The following INPP1 variants were observed in gnomAD, a reference collection of about 807,000 sequenced individuals.
INPP1 encodes inositol polyphosphate 1-phosphatase.
Under a neutral mutation model 23.0 loss-of-function variants are expected in INPP1, and 18 were observed. The observed-to-expected ratio is 0.78, with a 90% CI of 0.54 to 1.16. INPP1 has a LOEUF of 1.16. INPP1 is among the 50% of genes most tolerant of loss of function. The pLI is 0.00. For missense variants in INPP1, 448 were observed against 482.1 expected (o/e 0.93, Z 0.66); for synonymous variants, 164 against 176.3 (o/e 0.93, Z 0.55).
chr2:190,364,278 G>A (rs1180372681), intron 4 of INPP1, among the ~76,000 whole-genome samples: 4 of 152,086 alleles, frequency 2.6e-5, no homozygotes, highest in Non-Finnish European at 4.4e-5. Context: ...GGTGGCTCAC[G>A]CCTGTAATCC....
intron 2 of INPP1, among the ~76,000 whole-genome samples, chr2:190,353,854 G>A (rs1201401005): frequency 1.3e-5 from 2 of 152,162 alleles, no homozygotes; most frequent in Non-Finnish European, 2.9e-5. Context: ...GATAATGGCT[G>A]GAAATTTGAG....
chr2:190,351,914 GC>G (rs1371232664), intron 2 of INPP1, among the ~76,000 whole-genome samples: 1 of 152,134 alleles, frequency 6.6e-6, no homozygotes, highest in Non-Finnish European at 1.5e-5. Context: ...TTTCATTCAT[GC>G]CCGCAGTTCA....
intron 4 of INPP1, chr2:190,365,149 T>A (rs1198974874): frequency 1.2e-5 from 2 of 169,222 alleles, no homozygotes; most frequent in Admixed American, 1.3e-4. Context: ...TGAAACCAGA[T>A]TAATCAAGGG....
intron 4 of INPP1, among the ~76,000 whole-genome samples, chr2:190,365,511 T>C (rs965440698): frequency 3.9e-5 from 6 of 152,212 alleles, no homozygotes; most frequent in African/African-American, 9.6e-5. Flanking sequence ...AGATTAATGA[T>C]CAGGAATTCA....
rs1689788870 is a variant in INPP1 at position 190,370,917 on chromosome 2, A to G, written c.715A>G (p.Arg239Gly). ...GCATTCACTACAGCTCACCATCTCT[A>G]GAAGAAACGGCAGTGAAACACACAC... Reference protein sequence around the residue: ...NMHSLQLTISRRNGSETHTGN... With the variant: ...NMHSLQLTISGRNGSETHTGN... The change falls in exon 7 of 7, where the codon AGA (arginine) becomes GGA (glycine). Residue 239 changes from arginine to glycine, a missense_variant. Transcript: ENST00000392329. The G allele has an allele frequency of 1.2e-6, 2 of 1,614,058 alleles. No individual in the cohort carries two copies. Among genetic ancestry groups the G allele is most frequent in the African/African-American group, 2.7e-5 (2 of 74,924 alleles).
At chr2:190,348,749 C>G (rs1689270964) in intron 1 of INPP1, 139 bp from the exon 2 acceptor site, 1 of 152,132 alleles carries the variant, frequency 6.6e-6, no homozygotes, top group Non-Finnish European at 1.5e-5. Flanking sequence ...ATAATATTTC[C>G]CAATCTCATT....
At chr2:190,350,770 T>C (rs1689310115) in intron 2 of INPP1, among the ~76,000 whole-genome samples, 1 of 152,208 alleles carries the variant, frequency 6.6e-6, no homozygotes, top group South Asian at 2.1e-4. Flanking sequence ...TATACCATAT[T>C]TAATATCTTT....
chr2:190,367,035 C>T lies in INPP1; in HGVS notation c.466+140C>T. ...TTTTTAAAATTTTAAAGTTTTAAAA[C>T]AATGAGAGTTGAGGTGTATGTGTCA... On this transcript the variant is annotated intron_variant, in intron 5 of 6. Transcript: ENST00000392329. The surrounding 1 kb of genome is among the most constrained non-coding windows in gnomAD (Gnocchi z 4.1). The T allele has an allele frequency of 6.5e-6, 4 of 619,524 alleles. No homozygotes were observed. Among genetic ancestry groups the T allele is most frequent in the Non-Finnish European group, 1.1e-5 (4 of 353,376 alleles). 38.4% of individuals were successfully genotyped at this position (619,524 alleles called of 1,614,324 possible). A position where few individuals can be genotyped will look rare whatever the true frequency, so the allele number is the denominator to read the frequency against.
At chr2:190,360,816 C>G (rs1378259359) in intron 3 of INPP1, among the ~76,000 whole-genome samples, 1 of 151,694 alleles carries the variant, frequency 6.6e-6, no homozygotes, top group Non-Finnish European at 1.5e-5. Flanking sequence ...TAAGTCCTAC[C>G]TTGTGGATCT....
At chr2:190,357,999 T>C (rs1575786935) in intron 2 of INPP1, among the ~76,000 whole-genome samples, 1 of 152,120 alleles carries the variant, frequency 6.6e-6, no homozygotes, top group East Asian at 1.9e-4. Flanking sequence ...TATTACAAAT[T>C]ACATCTTACT....
Position 190,370,846 on chromosome 2 carries a change from G to A in INPP1, c.644G>A (p.Trp215Ter). The change falls in exon 7 of 7, where the codon TGG (tryptophan) becomes TAG (stop). Residue 215 changes from tryptophan to a stop codon, truncating the protein, a stop_gained and splice_region_variant. Coordinates refer to ENST00000392329, the MANE Select transcript of INPP1 (RefSeq NM_001128928.2). LOFTEE classifies it low-confidence loss of function (END_TRUNC). ...CAATTGAAATTTTTCTTCTACAGGT[G>A]GAAAGGACAGTGCTATTGGGGCCTT... ...FVSRDPNTLR[W>*]KGQCYWGLSY... The A allele has an allele frequency of 2.5e-6, 4 of 1,580,064 alleles. No homozygotes were observed. Among genetic ancestry groups the A allele is most frequent in the Non-Finnish European group, 3.4e-6 (4 of 1,161,072 alleles).
intron 4 of INPP1, chr2:190,365,101 A>G: frequency 1.8e-5 from 3 of 168,956 alleles, no homozygotes. Context: ...TAACTTGCCT[A>G]TTTTTTACCA....
chr2:190,359,423 G>C (rs755380554), intron 2 of INPP1, among the ~76,000 whole-genome samples: 37 of 152,066 alleles, frequency 2.4e-4, no homozygotes, highest in Admixed American at 1.8e-3. Context: ...CAGGCATGGT[G>C]GTGGGCGCCT....
intron 2 of INPP1, 66 bp from the exon 3 acceptor site, chr2:190,359,973 G>A (rs978184541): frequency 3.6e-6 from 3 of 843,964 alleles, no homozygotes; most frequent in Non-Finnish European, 5.6e-6. Flanking sequence ...GTTGTTAGTA[G>A]TGCCAGAGGC....
rs765586863 is a variant in INPP1 at position 190,371,135 on chromosome 2, C to A, written c.933C>A (p.Thr311=). 19 of 1,614,146 alleles carry A rather than the reference C, an allele frequency of 1.2e-5. No homozygotes were observed. The highest frequency in any genetic ancestry group is 1.5e-5 in the Non-Finnish European group (18 of 1,180,028). ...LVDIYIFSED[T]TFKWDSCAAH... ...ACATTTACATCTTTTCAGAAGATAC[C>A]ACATTCAAATGGGACTCTTGTGCTG... The change falls in exon 7 of 7, where the codon ACC becomes ACA. Residue 311 remains threonine (T), a synonymous_variant. Transcript: ENST00000392329. The surrounding 1 kb of genome is among the most constrained non-coding windows in gnomAD (Gnocchi z 5.3).
At chr2:190,347,800 A>T (rs1371287707) in intron 1 of INPP1, among the ~76,000 whole-genome samples, 1 of 152,232 alleles carries the variant, frequency 6.6e-6, no homozygotes, top group African/African-American at 2.4e-5. Context: ...AGGAAAGCAT[A>T]ACTTAAATTG....
intron 6 of INPP1, among the ~76,000 whole-genome samples, chr2:190,369,817 A>G (rs1014130660): frequency 6.6e-6 from 1 of 152,194 alleles, no homozygotes; most frequent in Admixed American, 6.5e-5. Context: ...GCCAGGACTC[A>G]GCTGCCTCTG....
intron 2 of INPP1, among the ~76,000 whole-genome samples, chr2:190,357,352 A>G (rs1396086334): frequency 1.3e-5 from 2 of 152,208 alleles, no homozygotes; most frequent in South Asian, 2.1e-4. Flanking sequence ...ATAGAAAAGC[A>G]TAATAAAAAA....
Position 190,354,798 on chromosome 2 carries a change from C to T in INPP1, c.-64-5241C>T, listed in dbSNP as rs1343263551. 6.6e-6 allele frequency among the ~76,000 whole-genome samples: 1 copy of T among 152,158 alleles called. No individual in the cohort carries two copies. The highest frequency in any genetic ancestry group is 1.5e-5 in the Non-Finnish European group (1 of 68,028). The stretch of plus-strand genomic sequence containing the variant: ...ACATCAGTGGAACTTAATAGATGAG[C>T]TTTTACTACCCAGAAGGGTCCTTAA... On this transcript the variant is annotated intron_variant, in intron 2 of 6. Coordinates refer to ENST00000392329, the MANE Select transcript of INPP1 (RefSeq NM_001128928.2). This position sits in a 1 kb window ranked among gnomAD's most constrained non-coding sequence, Gnocchi z 4.8.
Sources: gnomAD v4.1 joint callset for allele counts (sites outside exome capture counted in the v4.1 genomes callset) on GRCh38, gnomAD v4.1.1 for gene constraint, Gnocchi (gnomAD v3.1) non-coding constraint, MANE v1.5 for transcripts, NCBI Gene and HGNC (gene_info 2026-07-23, HGNC 2026-07-21) for gene names.